The following AFDN variants were observed in gnomAD, a reference collection of about 807,000 sequenced individuals.
AFDN encodes the protein afadin, adherens junction formation factor.
In AFDN, 68 loss-of-function variants were observed where a neutral mutation model predicts 216.6. The observed-to-expected ratio is 0.31, with a 90% CI of 0.26 to 0.38. AFDN has a LOEUF of 0.38. Among genes scored for constraint, AFDN ranks in the 10% least tolerant of loss-of-function variants. The pLI, the probability that AFDN is intolerant of heterozygous loss-of-function variation, is 1.00. For synonymous variants in AFDN, 868 were observed against 853.7 expected (o/e 1.02, Z -0.29); for missense variants, 2,136 against 2,342.0 (o/e 0.91, Z 1.82).
At chr6:167,939,688 T>C (rs1406663907) in intron 23 of AFDN, among the ~76,000 whole-genome samples, 1 of 152,196 alleles carries the variant, frequency 6.6e-6, no homozygotes, top group African/African-American at 2.4e-5. Context: ...TTAAAGTTAT[T>C]CATGAATCAC....
chr6:167,950,292 A>G (rs1462289854), intron 29 of AFDN, among the ~76,000 whole-genome samples: 3 of 152,190 alleles, frequency 2.0e-5, no homozygotes, highest in African/African-American at 7.2e-5. Context: ...TGCTTGATTC[A>G]GACCTCATAG....
In AFDN at chr6:167,962,392, G is replaced by T. The variant is rs1215136179; in HGVS notation, c.4834-41G>T. 1 of 1,611,360 alleles carries T rather than the reference G, an allele frequency of 6.2e-7. No individual in the cohort carries two copies. On this transcript the variant is annotated intron_variant, in intron 30 of 33. Transcript: ENST00000683244. This position sits in a 1 kb window ranked among gnomAD's most constrained non-coding sequence, Gnocchi z 5.2. ...TGTGTGCATTTTATGTCTTGTGCTG[G>T]TGGAGTTTGTGGAGGGAGATTAATG... is the stretch of plus-strand genomic sequence containing the variant.
chr6:167,872,509 C>A, intron 4 of AFDN, 132 bp downstream of exon 4: 1 of 958,540 alleles, frequency 1.0e-6, no homozygotes, highest in Non-Finnish European at 1.6e-6. Context: ...TTTGGGTCTA[C>A]TCCCAGCTCT....
At chr6:167,957,406 C>G (rs897060767) in intron 30 of AFDN, among the ~76,000 whole-genome samples, 1 of 152,168 alleles carries the variant, frequency 6.6e-6, no homozygotes, top group Admixed American at 6.5e-5. Context: ...TGAGTGGGAT[C>G]GGATTCCAGG....
At chr6:167,966,412 G>A (rs1179861752) in intron 32 of AFDN, 2 of 666,596 alleles carry the variant, frequency 3.0e-6, no homozygotes, top group Non-Finnish European at 4.4e-6. Context: ...CACTGGTCTC[G>A]GCATGGTGAT....
Position 167,892,349 on chromosome 6 carries a change from T to G in AFDN, c.1177+1320T>G, listed in dbSNP as rs111710076. On this transcript the variant is annotated intron_variant, in intron 8 of 33. Transcript: ENST00000683244. ...TCTATAATGTGTGTGAGAGCATTGA[T>G]GTTTGGTTGTCTGAGGTAATGAATG... Among the ~76,000 whole-genome samples, 378 of 152,298 alleles carry G rather than the reference T, an allele frequency of 2.5e-3. 2 individuals carry two copies. The highest frequency in any genetic ancestry group is 8.6e-3 in the African/African-American group (358 of 41,570).
intron 13 of AFDN, among the ~76,000 whole-genome samples, chr6:167,910,396 A>G (rs1790237229): frequency 6.6e-6 from 1 of 152,240 alleles, no homozygotes; most frequent in Admixed American, 6.5e-5. Context: ...CTGGAAATAG[A>G]TAAACATCAG....
At chr6:167,856,591 T>TG (rs1408067833) in intron 1 of AFDN, among the ~76,000 whole-genome samples, 3 of 152,180 alleles carry the variant, frequency 2.0e-5, no homozygotes, top group Admixed American at 1.3e-4. Context: ...TATAGGTCAC[T>TG]GGATAGCCAT....
chr6:167,857,234 GGATAGTT>G (rs5881754), intron 1 of AFDN, among the ~76,000 whole-genome samples: 43,394 of 151,456 alleles, frequency 0.29, 6,648 homozygotes, highest in Middle Eastern at 0.38. Flanking sequence ...ATGGGGGTGG[GGATAGTT>G]GATATTAGAG....
intron 1 of AFDN, among the ~76,000 whole-genome samples, chr6:167,848,942 TC>T: frequency 6.6e-6 from 1 of 152,312 alleles, no homozygotes; most frequent in South Asian, 2.1e-4. Flanking sequence ...CTGGGTGTTT[TC>T]CACCCTTATT....
At position 167,918,836 on chromosome 6, in the gene AFDN, G is replaced by A. The variant is rs1791438739; in HGVS notation, c.2811G>A (p.Gln937=). The change falls in exon 21 of 34, where the codon CAG becomes CAA. Residue 937 remains glutamine, a synonymous_variant. Coordinates refer to ENST00000683244, the MANE Select transcript of AFDN (RefSeq NM_001386888.1). ...EVQLEEDPDL[Q]LPFLLPEDGY... ...AGTTGGAGGAGGATCCTGATCTGCA[G>A]CTGCCGTTTCTTTTGCCAGAAGATG... 1 of 1,612,954 alleles carries A rather than the reference G, an allele frequency of 6.2e-7. No homozygotes were observed. Among genetic ancestry groups the A allele is most frequent in the Non-Finnish European group, 8.5e-7 (1 of 1,179,374 alleles).
intron 32 of AFDN, among the ~76,000 whole-genome samples, chr6:167,967,331 A>G (rs943533847): frequency 2.0e-5 from 3 of 152,202 alleles, no homozygotes; most frequent in Admixed American, 2.0e-4. Context: ...TAATTTTGCC[A>G]GAATTCTGTC....
At chr6:167,847,756 AT>A in intron 1 of AFDN, among the ~76,000 whole-genome samples, 1 of 152,094 alleles carries the variant, frequency 6.6e-6, no homozygotes, top group Non-Finnish European at 1.5e-5. Context: ...CTTAGTCTTA[AT>A]TTATTTCCCT....
chr6:167,856,586 G>A (rs1170807368), intron 1 of AFDN, among the ~76,000 whole-genome samples: 1 of 152,058 alleles, frequency 6.6e-6, no homozygotes, highest in East Asian at 1.9e-4. Flanking sequence ...AGAACTATAG[G>A]TCACTGGATA....
rs146091272 is a variant in AFDN, at chr6:167,946,679, A to C, written c.3359-28A>C. 299 of 1,592,800 alleles carry C rather than the reference A, an allele frequency of 1.9e-4. No individual in the cohort carries two copies. In the Middle Eastern group the frequency reaches 2.4e-3, roughly 13 times the overall value. ...TCAGGGTGTTGAAAATAAAATCTTA[A>C]GAGATACTGAATATGCTTTGATTCC... On this transcript the variant is annotated intron_variant, in intron 26 of 33. Coordinates refer to ENST00000683244, the MANE Select transcript of AFDN (RefSeq NM_001386888.1).
In AFDN at chr6:167,965,878, G is replaced by C. The variant is rs1562355292; in HGVS notation, c.5090G>C (p.Arg1697Pro). The C allele has an allele frequency of 1.3e-6, 2 of 1,548,862 alleles. No individual in the cohort carries two copies. The highest frequency in any genetic ancestry group is 1.7e-6 in the Non-Finnish European group (2 of 1,146,420). ...GGTCTGTGCCGCCCTCCGCTTCCCCGGGACTACGAGCCCCCGTCCCCGTCC... is the reference window on the plus strand; with the variant it reads ...GGTCTGTGCCGCCCTCCGCTTCCCCCGGACTACGAGCCCCCGTCCCCGTCC... ...APGLCRPPLP[R>P]DYEPPSPSPA... Residue 1697 changes from arginine (R) to proline (P), a missense_variant, in exon 32 of 34, where the codon CGG (arginine) becomes CCG (proline). Physicochemically the swap from Arg to Pro is moderately radical, Grantham distance 103. Coordinates refer to ENST00000683244, the MANE Select transcript of AFDN (RefSeq NM_001386888.1).
At chr6:167,836,689 TGA>T (rs1476050491) in intron 1 of AFDN, among the ~76,000 whole-genome samples, 1 of 152,242 alleles carries the variant, frequency 6.6e-6, no homozygotes, top group Non-Finnish European at 1.5e-5. Context: ...AAATGCATTT[TGA>T]GTTTTTAAGT....
At chr6:167,884,277 C>T (rs1786507453) in intron 6 of AFDN, among the ~76,000 whole-genome samples, 1 of 152,158 alleles carries the variant, frequency 6.6e-6, no homozygotes. Flanking sequence ...CAGTTTCTTC[C>T]AAACTCCTTT....
chr6:167,904,787 A>T (rs1271948479), intron 12 of AFDN, among the ~76,000 whole-genome samples: 2 of 152,060 alleles, frequency 1.3e-5, no homozygotes, highest in Non-Finnish European at 2.9e-5. Flanking sequence ...TGGCAGGAGG[A>T]CCACACGGCC....
Sources: gnomAD v4.1 joint callset for allele counts (sites outside exome capture counted in the v4.1 genomes callset) on GRCh38, gnomAD v4.1.1 for gene constraint, Gnocchi (gnomAD v3.1) non-coding constraint, MANE v1.5 for transcripts, NCBI Gene and HGNC (gene_info 2026-07-23, HGNC 2026-07-21) for gene names.